Variants in TBCEL observed in about 807,000 individuals in gnomAD.
TBCEL encodes the protein tubulin-specific chaperone cofactor E-like protein.
TBCEL carries 15 observed loss-of-function variants against 44.2 expected under a neutral mutation model. The observed-to-expected ratio is 0.34, with a 90% CI of 0.23 to 0.52. The LOEUF (loss-of-function observed/expected upper bound fraction) is 0.52. Among genes scored for constraint, TBCEL ranks in the 20% least tolerant of loss-of-function variants. TBCEL has a pLI of 0.95. For missense variants in TBCEL, 319 were observed against 506.3 expected, an observed-to-expected ratio of 0.63 and a Z score of 3.55; for synonymous variants, 171 against 185.4, an observed-to-expected ratio of 0.92 and a Z score of 0.63.
intron 6 of TBCEL, among the ~76,000 whole-genome samples, chr11:121,056,551 A>G (rs1796703742): frequency 6.6e-6 from 1 of 151,846 alleles, no homozygotes; most frequent in Non-Finnish European, 1.5e-5. Flanking sequence ...GTTTTATAAG[A>G]AACTGCCAAA....
chr11:121,028,956 C>T (rs1214326676), intron 1 of TBCEL, among the ~76,000 whole-genome samples: 1 of 152,180 alleles, frequency 6.6e-6, no homozygotes, highest in East Asian at 1.9e-4. Flanking sequence ...GAATGGTGGA[C>T]CTTAGCCCCT....
chr11:121,075,051 G>T (rs528234494), intron 8 of TBCEL, among the ~76,000 whole-genome samples: 2 of 151,932 alleles, frequency 1.3e-5, no homozygotes, highest in African/African-American at 4.8e-5. Flanking sequence ...ACTCACTTGT[G>T]TGAGAACTGT....
rs1381166373 is a variant in TBCEL at position 121,084,361 on chromosome 11, G to A, written c.957-2417G>A. On this transcript the variant is annotated intron_variant, in intron 8 of 8. Transcript: ENST00000683345. ...TGCAGTTTATCATTTGTCTTTGAGC[G>A]CTGGTTTTTATATTCAAGTACTTAC... 3.9e-5 allele frequency among the ~76,000 whole-genome samples: 6 copies of A among 152,056 alleles called. 1 individual carries two copies. The highest frequency in any genetic ancestry group is 4.1e-4 in the South Asian group (2 of 4,832).
intron 4 of TBCEL, among the ~76,000 whole-genome samples, chr11:121,051,245 C>T (rs1465749717): frequency 6.6e-6 from 1 of 151,710 alleles, no homozygotes; most frequent in Non-Finnish European, 1.5e-5. Context: ...ATGGTGATTA[C>T]ATCATATATC....
intron 8 of TBCEL, among the ~76,000 whole-genome samples, chr11:121,081,051 A>G (rs960891419): frequency 1.3e-5 from 2 of 152,126 alleles, no homozygotes; most frequent in African/African-American, 4.8e-5. Flanking sequence ...CTGATTTCTA[A>G]CTGCTTATGA....
chr11:121,073,221 TTTAC>T (rs1161487643), intron 8 of TBCEL, among the ~76,000 whole-genome samples: 2 of 152,092 alleles, frequency 1.3e-5, no homozygotes, highest in African/African-American at 2.4e-5. Flanking sequence ...TTGAATTTTA[TTTAC>T]TTACTTGAAG....
rs777490830 is a variant in TBCEL, at chr11:121,045,662, G to A, written c.-17-12G>A. The A allele has an allele frequency of 6.5e-7, 1 of 1,544,722 alleles. No homozygotes were observed. ...TAATTACATAATTTGATTATTTCTT[G>A]GTTTCTTGTAGCATTTTAAGAAAGA... is the stretch of plus-strand genomic sequence containing the variant. On this transcript the variant is annotated splice_polypyrimidine_tract_variant and intron_variant, in intron 2 of 8. Transcript: ENST00000683345.
At chr11:121,057,640 A>G in intron 6 of TBCEL, 1 of 454,128 alleles carries the variant, frequency 2.2e-6, no homozygotes, top group Non-Finnish European at 4.4e-6. Flanking sequence ...CTGAACATGC[A>G]CAGACTTTTT....
chr11:121,027,235 C>A (rs1945062308), intron 1 of TBCEL, among the ~76,000 whole-genome samples: 1 of 152,092 alleles, frequency 6.6e-6, no homozygotes, highest in Non-Finnish European at 1.5e-5. Context: ...GTGAAGGAAT[C>A]CTTATTTGCG....
intron 8 of TBCEL, among the ~76,000 whole-genome samples, chr11:121,086,060 C>T (rs1359676358): frequency 6.6e-6 from 1 of 152,052 alleles, no homozygotes; most frequent in Non-Finnish European, 1.5e-5. Flanking sequence ...CTAGATCCTC[C>T]AGGGCTGGCA....
At chr11:121,077,944 A>G (rs973933518) in intron 8 of TBCEL, among the ~76,000 whole-genome samples, 25 of 151,906 alleles carry the variant, frequency 1.6e-4, no homozygotes, top group African/African-American at 6.0e-4. Context: ...TCTGTTAATT[A>G]TTTCCAGTAT....
At position 121,086,914 on chromosome 11, in the gene TBCEL, G is replaced by A; in HGVS notation, c.1093G>A (p.Val365Met). 1.2e-6 allele frequency: 2 copies of A among 1,614,112 alleles called. No homozygotes were observed. Among genetic ancestry groups the A allele is most frequent in the Non-Finnish European group, 1.7e-6 (2 of 1,180,012 alleles). ...EEMSIRLDQT[V>M]AELKKQLKTL... ...AATGAGCATTCGTCTGGACCAAACA[G>A]TGGCAGAACTAAAGAAACAGTTAAA... Residue 365 changes from valine to methionine, a missense_variant, in exon 9 of 9, where the codon GTG becomes ATG. Val to Met is a conservative substitution (Grantham distance 21). Coordinates refer to ENST00000683345, the MANE Select transcript of TBCEL (RefSeq NM_001363644.2).
At chr11:121,055,642 G>A (rs147258072) in intron 6 of TBCEL, among the ~76,000 whole-genome samples, 80 of 151,862 alleles carry the variant, frequency 5.3e-4, no homozygotes, top group African/African-American at 1.9e-3. Context: ...ATTTTATCTG[G>A]ACTTAGTTTA....
At chr11:121,076,115 G>A (rs982524689) in intron 8 of TBCEL, among the ~76,000 whole-genome samples, 8 of 151,898 alleles carry the variant, frequency 5.3e-5, no homozygotes, top group African/African-American at 1.7e-4. Flanking sequence ...AATTAAGGTA[G>A]TGTGGGTCCT....
chr11:121,043,471 T>A (rs1030562098), intron 2 of TBCEL, among the ~76,000 whole-genome samples: 1 of 152,158 alleles, frequency 6.6e-6, no homozygotes, highest in African/African-American at 2.4e-5. Context: ...GGAAGCAATT[T>A]GAAGCATTAT....
chr11:121,060,462 C>T (rs984165937), intron 8 of TBCEL, among the ~76,000 whole-genome samples: 3 of 151,752 alleles, frequency 2.0e-5, no homozygotes, highest in Admixed American at 6.6e-5. Context: ...ATACTAAGTT[C>T]TCCGGTTAGG....
chr11:121,043,209 T>C (rs1250731910), intron 2 of TBCEL, among the ~76,000 whole-genome samples: 9 of 152,160 alleles, frequency 5.9e-5, no homozygotes, highest in Admixed American at 5.9e-4. Context: ...CCCTTTCTTC[T>C]CAGCACCTGA....
intron 4 of TBCEL, among the ~76,000 whole-genome samples, chr11:121,052,510 A>C (rs1945546792): frequency 6.6e-6 from 1 of 151,736 alleles, no homozygotes; most frequent in Non-Finnish European, 1.5e-5. Context: ...ACTAATCCTA[A>C]CTACTCTTTT....
intron 1 of TBCEL, among the ~76,000 whole-genome samples, chr11:121,024,531 G>C (rs1458699430): frequency 1.3e-5 from 2 of 151,116 alleles, no homozygotes; most frequent in African/African-American, 4.9e-5. Context: ...GTCTTGGGCT[G>C]GGCTGGGCTG....
Sources: gnomAD v4.1 joint callset for allele counts (sites outside exome capture counted in the v4.1 genomes callset) on GRCh38, gnomAD v4.1.1 for gene constraint, MANE v1.5 for transcripts, NCBI Gene and HGNC (gene_info 2026-07-23, HGNC 2026-07-21) for gene names.